Variants in CDH7 observed in about 807,000 individuals in gnomAD.
CDH7 encodes cadherin 7, also known as cadherin-7.
A neutral mutation model predicts 71.8 loss-of-function variants in CDH7; 25 were observed. The ratio of observed to expected loss-of-function variants is 0.35; its 90% CI spans 0.25 to 0.49. The LOEUF is 0.49. Ranked by LOEUF, CDH7 falls within the 20% of genes least tolerant of loss-of-function variation. CDH7 has a pLI of 0.99. For missense variants in CDH7, 862 were observed against 974.6 expected (o/e 0.88, Z 1.54); for synonymous variants, 381 against 363.8 (o/e 1.05, Z -0.54).
chr18:65,836,227 G>A (rs1912527834), intron 6 of CDH7, among the ~76,000 whole-genome samples: 1 of 152,138 alleles, frequency 6.6e-6, no homozygotes, highest in Non-Finnish European at 1.5e-5. Context: ...ATTTGTTACT[G>A]TAGCAGTATG....
intron 2 of CDH7, among the ~76,000 whole-genome samples, chr18:65,787,131 G>C (rs1029554356): frequency 6.6e-6 from 1 of 151,966 alleles, no homozygotes; most frequent in Non-Finnish European, 1.5e-5. Flanking sequence ...CAAAAAGTCA[G>C]GCATGAAACA....
Position 65,844,064 on chromosome 18 carries a change from A to C in CDH7, c.1234A>C (p.Arg412=), listed in dbSNP as rs1436671160. 6.2e-7 allele frequency: 1 copy of C among 1,611,862 alleles called. No individual in the cohort carries two copies. The highest frequency in any genetic ancestry group is 8.5e-7 in the Non-Finnish European group (1 of 1,178,896). The change falls in exon 7 of 12, where the codon AGG becomes CGG. Residue 412 remains arginine (R), a splice_region_variant and synonymous_variant. Coordinates refer to ENST00000397968, the MANE Select transcript of CDH7 (RefSeq NM_004361.5). ...HDPDSSNSPV[R]YSIDRNTDLE... is the part of the protein sequence containing the mutation. ...CCCAGATTCTTCCAATAGCCCTGTG[A>C]GGTAAAAACTCATTGTTGTCCTTTT...
At position 65,863,163 on chromosome 18, in the gene CDH7, G is replaced by A. The variant is rs140722647; in HGVS notation, c.1864+246G>A. 1,796 of 534,142 alleles carry A rather than the reference G, an allele frequency of 3.4e-3. 16 individuals carry two copies. Among genetic ancestry groups the A allele is most frequent in the South Asian group, 0.01 (475 of 45,770 alleles). 33.1% of individuals were successfully genotyped at this position (534,142 alleles called of 1,614,324 possible). A position where few individuals can be genotyped will look rare whatever the true frequency, so the allele number is the denominator to read the frequency against. ...AGCAATTCTCCCACCTCAGCCTCCC[G>A]AGTAGCTGGGATTACAGGGGTGCAC... is the stretch of plus-strand genomic sequence containing the variant. On this transcript the variant is annotated intron_variant, in intron 11 of 11. Transcript: ENST00000397968.
intron 6 of CDH7, among the ~76,000 whole-genome samples, chr18:65,829,426 A>T (rs1011600368): frequency 6.6e-6 from 1 of 150,876 alleles, no homozygotes; most frequent in Non-Finnish European, 1.5e-5. Context: ...GTGTATTAAG[A>T]TGAGATATCT....
chr18:65,784,217 G>T, intron 2 of CDH7, among the ~76,000 whole-genome samples: 1 of 150,074 alleles, frequency 6.7e-6, no homozygotes, highest in Non-Finnish European at 1.5e-5. Flanking sequence ...AAAGTGCTGA[G>T]ATTACAGGCA....
At chr18:65,755,465 A>G (rs1916004683) in intron 1 of CDH7, among the ~76,000 whole-genome samples, 1 of 152,226 alleles carries the variant, frequency 6.6e-6, no homozygotes, top group African/African-American at 2.4e-5. Flanking sequence ...CCAAACTATT[A>G]CATTTTTCAG....
chr18:65,806,234 T>A (rs1451795995), intron 2 of CDH7, among the ~76,000 whole-genome samples: 1 of 152,050 alleles, frequency 6.6e-6, no homozygotes, highest in East Asian at 1.9e-4. Context: ...TTTTTTGCCT[T>A]ATCATGAGCT....
chr18:65,824,844 T>C lies in CDH7; in HGVS notation c.981+13T>C. ...TACTATACAGAAGGTAATGTTTTCT[T>C]TATTTATCTTTTATCACAGATTACT... On this transcript the variant is annotated intron_variant, in intron 6 of 11. Transcript: ENST00000397968. The C allele has an allele frequency of 6.5e-7, 1 of 1,548,714 alleles. No individual in the cohort carries two copies. The highest frequency in any genetic ancestry group is 8.8e-7 in the Non-Finnish European group (1 of 1,135,310).
intron 11 of CDH7, among the ~76,000 whole-genome samples, chr18:65,868,621 C>A (rs932639554): frequency 3.3e-5 from 5 of 152,134 alleles, no homozygotes; most frequent in African/African-American, 1.2e-4. Context: ...TCGGTTAACT[C>A]TGAGTGTCTA....
Position 65,769,439 on chromosome 18 carries a change from A to G in CDH7, c.210+6387A>G, listed in dbSNP as rs145411161. Reference sequence around the variant, plus strand: ...GTTTTAAACTTTTTTATTTTGAACTAATTTCAAACTTATAAATAAGTTGCA... The same window carrying G: ...GTTTTAAACTTTTTTATTTTGAACTGATTTCAAACTTATAAATAAGTTGCA... On this transcript the variant is annotated intron_variant, in intron 2 of 11. Transcript: ENST00000397968. Among the ~76,000 whole-genome samples the G allele has an allele frequency of 1.3e-3, 199 of 152,314 alleles. 1 individual carries two copies. The highest frequency in any genetic ancestry group is 2.4e-3 in the Non-Finnish European group (163 of 68,028).
In CDH7 at chr18:65,885,076, T is replaced by C. The variant is rs1914333902; in HGVS notation, c.*4182T>C. On this transcript the variant is annotated 3_prime_UTR_variant, in exon 12 of 12. Coordinates refer to ENST00000397968, the MANE Select transcript of CDH7 (RefSeq NM_004361.5). ...TGTATATATGACGGTGTATGAAAGT[T>C]GGCAATGAAAGCTAATACAATCATG... The C allele has an allele frequency of 6.6e-6, 1 of 152,192 alleles. No homozygotes were observed. Among genetic ancestry groups the C allele is most frequent in the Non-Finnish European group, 1.5e-5 (1 of 68,038 alleles). 9.4% of individuals were successfully genotyped at this position (152,192 alleles called of 1,614,324 possible). A position where few individuals can be genotyped will look rare whatever the true frequency, so the allele number is the denominator to read the frequency against.
At chr18:65,799,991 C>G (rs938004636) in intron 2 of CDH7, among the ~76,000 whole-genome samples, 1 of 152,148 alleles carries the variant, frequency 6.6e-6, no homozygotes, top group African/African-American at 2.4e-5. Context: ...TTTTTAGTTA[C>G]AGAAAGGACA....
At chr18:65,796,700 C>T (rs1910929082) in intron 2 of CDH7, among the ~76,000 whole-genome samples, 1 of 152,128 alleles carries the variant, frequency 6.6e-6, no homozygotes, top group African/African-American at 2.4e-5. Context: ...GGGCACGAGA[C>T]CCCGAATCCC....
At chr18:65,778,432 A>T (rs183788217) in intron 2 of CDH7, among the ~76,000 whole-genome samples, 1 of 151,158 alleles carries the variant, frequency 6.6e-6, no homozygotes, top group Non-Finnish European at 1.5e-5. Context: ...TATTCCCAGG[A>T]TATCCACCAT....
At chr18:65,851,330 T>C (rs1294908846) in intron 7 of CDH7, among the ~76,000 whole-genome samples, 2 of 152,150 alleles carry the variant, frequency 1.3e-5, no homozygotes, top group Non-Finnish European at 2.9e-5. Flanking sequence ...TCTATTCAAA[T>C]TATTCATCTA....
intron 2 of CDH7, among the ~76,000 whole-genome samples, chr18:65,776,595 C>G (rs987627741): frequency 6.6e-6 from 1 of 152,014 alleles, no homozygotes; most frequent in African/African-American, 2.4e-5. Flanking sequence ...GCTTGTTAAT[C>G]TCTCAGTTAA....
chr18:65,750,940 C>G (rs1915852374), upstream of CDH7: 1 of 152,260 alleles, frequency 6.6e-6, no homozygotes, highest in Non-Finnish European at 1.5e-5. Context: ...CCCCGCGCAC[C>G]GCGGAGTGGG....
intron 10 of CDH7, among the ~76,000 whole-genome samples, chr18:65,861,421 A>AAAAGTTTATTATGTTTT (rs200521361): frequency 0.14 from 21,704 of 151,682 alleles, 3,272 homozygotes; most frequent in African/African-American, 0.38. Flanking sequence ...TTTTGTATCA[A>AAAAGTTTATTATGTTTT]GTCATAAATG....
chr18:65,803,459 A>G (rs1911198179), intron 2 of CDH7: 1 of 152,272 alleles, frequency 6.6e-6, no homozygotes. Flanking sequence ...AACAATTAAT[A>G]TCTTCTTAAA....
Sources: gnomAD v4.1 joint callset for allele counts (sites outside exome capture counted in the v4.1 genomes callset) on GRCh38, gnomAD v4.1.1 for gene constraint, MANE v1.5 for transcripts, NCBI Gene and HGNC (gene_info 2026-07-23, HGNC 2026-07-21) for gene names.